CLSTN2: variants seen among roughly 807,000 people sequenced by gnomAD.
The protein encoded by CLSTN2 is calsyntenin-2.
CLSTN2 carries 48 observed loss-of-function variants against 101.2 expected under a neutral mutation model. The ratio of observed to expected loss-of-function variants is 0.47; its 90% CI spans 0.38 to 0.60. The LOEUF (loss-of-function observed/expected upper bound fraction) is 0.60. Ranked by LOEUF, CLSTN2 falls within the 20% of genes least tolerant of loss-of-function variation. The pLI is 0.00. For synonymous variants in CLSTN2, 481 were observed against 463.6 expected, an observed-to-expected ratio of 1.04 and a Z score of -0.48; for missense variants, 1,160 against 1,238.2, an observed-to-expected ratio of 0.94 and a Z score of 0.95.
Position 139,991,103 on chromosome 3 carries a change from T to G in CLSTN2, c.109+55620T>G, listed in dbSNP as rs1025286954. On this transcript the variant is annotated intron_variant, in intron 1 of 16. Coordinates refer to ENST00000458420, the MANE Select transcript of CLSTN2 (RefSeq NM_022131.3). ...CAAATGATGATGGAATTATGGAAAA[T>G]GTTGGTTTTATCTTATTTGGGTAAA... 6.6e-5 allele frequency among the ~76,000 whole-genome samples: 10 copies of G among 152,192 alleles called. No homozygotes were observed. In the South Asian group the frequency reaches 8.3e-4, roughly 13 times the overall value.
chr3:140,014,183 C>T (rs1392611935), intron 1 of CLSTN2, among the ~76,000 whole-genome samples: 1 of 152,092 alleles, frequency 6.6e-6, no homozygotes, highest in African/African-American at 2.4e-5. Flanking sequence ...TGTCGAGAGC[C>T]TGTGATGGCA....
chr3:140,263,502 A>T (rs1000758604), intron 2 of CLSTN2, among the ~76,000 whole-genome samples: 34 of 152,260 alleles, frequency 2.2e-4, no homozygotes, highest in African/African-American at 8.2e-4. Flanking sequence ...GGAGGGCCCT[A>T]AGCTTTGGGC....
intron 1 of CLSTN2, among the ~76,000 whole-genome samples, chr3:140,017,527 T>A (rs2007225252): frequency 6.6e-6 from 1 of 152,132 alleles, no homozygotes; most frequent in Non-Finnish European, 1.5e-5. Flanking sequence ...CATGCAAAGT[T>A]CCTTGGGGGC....
chr3:140,362,550 C>A (rs748452976), intron 2 of CLSTN2, among the ~76,000 whole-genome samples: 2 of 151,918 alleles, frequency 1.3e-5, no homozygotes, highest in African/African-American at 4.8e-5. Context: ...GAGAAAAAAA[C>A]GTACAAATCA....
chr3:140,074,906 C>T (rs922628134), intron 1 of CLSTN2, among the ~76,000 whole-genome samples: 2 of 152,184 alleles, frequency 1.3e-5, no homozygotes, highest in East Asian at 1.9e-4. Context: ...CACCGAACCC[C>T]GGGCCCAGAG....
chr3:140,202,629 C>T (rs2010731386), intron 2 of CLSTN2, among the ~76,000 whole-genome samples: 1 of 152,068 alleles, frequency 6.6e-6, no homozygotes, highest in African/African-American at 2.4e-5. Flanking sequence ...AGTCTGACTG[C>T]AGAAATAAAT....
chr3:140,329,440 GA>G (rs889927263), intron 2 of CLSTN2, among the ~76,000 whole-genome samples: 5 of 152,150 alleles, frequency 3.3e-5, no homozygotes, highest in African/African-American at 1.2e-4. Flanking sequence ...CTTTGTGTTT[GA>G]TGGGGCAGAA....
chr3:140,334,692 A>T (rs1461433281), intron 2 of CLSTN2, among the ~76,000 whole-genome samples: 1 of 152,232 alleles, frequency 6.6e-6, no homozygotes, highest in East Asian at 1.9e-4. Context: ...TTTATCCCAG[A>T]GCAATCAAGA....
chr3:140,464,160 A>C (rs1190082022), intron 7 of CLSTN2, among the ~76,000 whole-genome samples: 1 of 152,180 alleles, frequency 6.6e-6, no homozygotes. Context: ...TTTTCCTCTC[A>C]TCCATATTCC....
intron 2 of CLSTN2, among the ~76,000 whole-genome samples, chr3:140,251,857 A>T (rs1454793385): frequency 6.6e-6 from 1 of 152,136 alleles, no homozygotes; most frequent in African/African-American, 2.4e-5. Flanking sequence ...GTGGAGCCTG[A>T]AAGAAAGGAA....
intron 1 of CLSTN2, among the ~76,000 whole-genome samples, chr3:140,150,415 T>C (rs199930110): frequency 6.6e-6 from 1 of 152,198 alleles, no homozygotes; most frequent in East Asian, 1.9e-4. Flanking sequence ...AAGTATATGG[T>C]AAACCCAGCA....
intron 2 of CLSTN2, among the ~76,000 whole-genome samples, chr3:140,178,670 G>A (rs1450688807): frequency 1.3e-5 from 2 of 152,154 alleles, no homozygotes; most frequent in African/African-American, 4.8e-5. Flanking sequence ...CAGGACACAG[G>A]CACTAGCCAT....
chr3:140,078,322 T>C (rs900516810), intron 1 of CLSTN2, among the ~76,000 whole-genome samples: 2 of 152,210 alleles, frequency 1.3e-5, no homozygotes, highest in African/African-American at 4.8e-5. Flanking sequence ...AATTAGAACA[T>C]GGAGCTGGTC....
At chr3:140,487,240 GGT>G (rs1226219755) in intron 8 of CLSTN2, among the ~76,000 whole-genome samples, 1 of 152,064 alleles carries the variant, frequency 6.6e-6, no homozygotes, top group African/African-American at 2.4e-5. Flanking sequence ...GAGTTGGGTG[GGT>G]ATCCACAAAG....
chr3:140,049,486 G>A (rs1281811145), intron 1 of CLSTN2, among the ~76,000 whole-genome samples: 1 of 152,080 alleles, frequency 6.6e-6, no homozygotes, highest in Admixed American at 6.6e-5. Context: ...TTTTACCCAG[G>A]CCATCTTTAT....
In CLSTN2 at chr3:139,935,684, C is replaced by T. The variant is rs1413728002; in HGVS notation, c.109+201C>T. ...GGTCCACCCGCGGACGTCAACTCAA[C>T]CCCTGGGCGGGGTCCGGGGGCTGAG... On this transcript the variant is annotated intron_variant, in intron 1 of 16. Transcript: ENST00000458420. This position sits in a 1 kb window ranked among gnomAD's most constrained non-coding sequence, Gnocchi z 5.5. 6.6e-6 allele frequency among the ~76,000 whole-genome samples: 1 copy of T among 152,160 alleles called. No homozygotes were observed. The highest frequency in any genetic ancestry group is 2.4e-5 in the African/African-American group (1 of 41,454).
chr3:140,087,214 T>C (rs1406215028), intron 1 of CLSTN2, among the ~76,000 whole-genome samples: 2 of 152,172 alleles, frequency 1.3e-5, no homozygotes, highest in Non-Finnish European at 2.9e-5. Flanking sequence ...CCATTTAACC[T>C]TTGCTGAACT....
At chr3:140,469,382 C>T (rs12494276) in intron 8 of CLSTN2, among the ~76,000 whole-genome samples, 9,468 of 152,228 alleles carry the variant, frequency 0.062, 719 homozygotes, top group East Asian at 0.31. Context: ...AGTTCCCATG[C>T]TAGCAATCCA....
intron 2 of CLSTN2, among the ~76,000 whole-genome samples, chr3:140,342,900 C>T (rs2087506121): frequency 6.6e-6 from 1 of 152,166 alleles, no homozygotes; most frequent in Non-Finnish European, 1.5e-5. Flanking sequence ...CATGGTGTCT[C>T]AGGGCCCCAA....
Sources: gnomAD v4.1 joint callset for allele counts (sites outside exome capture counted in the v4.1 genomes callset) on GRCh38, gnomAD v4.1.1 for gene constraint, Gnocchi (gnomAD v3.1) non-coding constraint, MANE v1.5 for transcripts, NCBI Gene and HGNC (gene_info 2026-07-23, HGNC 2026-07-21) for gene names.